Variants in PLEKHG1 observed in about 807,000 individuals in gnomAD.
PLEKHG1 encodes pleckstrin homology domain-containing family G member 1.
Under a neutral mutation model 100.8 loss-of-function variants are expected in PLEKHG1, and 44 were observed. That is an observed-to-expected ratio of 0.44 (90% confidence interval 0.34 to 0.56). PLEKHG1 has a LOEUF of 0.56. Among genes scored for constraint, PLEKHG1 ranks in the 20% least tolerant of loss-of-function variants. The pLI, the probability that PLEKHG1 is intolerant of heterozygous loss-of-function variation, is 0.01. For synonymous variants in PLEKHG1, 640 were observed against 662.5 expected, an observed-to-expected ratio of 0.97 and a Z score of 0.52; for missense variants, 1,545 against 1,720.9, an observed-to-expected ratio of 0.90 and a Z score of 1.81.
intron 3 of PLEKHG1, among the ~76,000 whole-genome samples, chr6:150,679,054 A>C (rs1309688527): frequency 3.9e-5 from 6 of 152,224 alleles, no homozygotes; most frequent in Non-Finnish European, 2.9e-5. Flanking sequence ...TACAAAATCA[A>C]AATTTTAAAC....
intron 1 of PLEKHG1, among the ~76,000 whole-genome samples, chr6:150,601,035 G>A (rs1776337528): frequency 6.6e-6 from 1 of 152,194 alleles, no homozygotes; most frequent in East Asian, 1.9e-4. Flanking sequence ...CTGAGAGTTG[G>A]TTTAGGAGTT....
At position 150,677,592 on chromosome 6, in the gene PLEKHG1, A is replaced by G. The variant is rs535224624; in HGVS notation, c.-99+26806A>G. 3.3e-5 allele frequency among the ~76,000 whole-genome samples: 5 copies of G among 152,288 alleles called. No individual in the cohort carries two copies. In the South Asian group the frequency reaches 8.3e-4, roughly 25 times the overall value. On this transcript the variant is annotated intron_variant, in intron 3 of 3. Transcript: ENST00000367326. ...GGGCCCACTTATGTTCACACACCTGATACATACCCCTCATGTAGAATGCTG... is the reference window on the plus strand; with the variant it reads ...GGGCCCACTTATGTTCACACACCTGGTACATACCCCTCATGTAGAATGCTG...
intron 3 of PLEKHG1, among the ~76,000 whole-genome samples, chr6:150,700,925 T>TG (rs1431647726): frequency 6.7e-6 from 1 of 149,950 alleles, no homozygotes; most frequent in South Asian, 2.1e-4. Flanking sequence ...ACTTTGAGGA[T>TG]GGGGGTTATA....
At chr6:150,803,783 T>A (rs1042918129) in intron 6 of PLEKHG1, among the ~76,000 whole-genome samples, 1 of 152,112 alleles carries the variant, frequency 6.6e-6, no homozygotes, top group Non-Finnish European at 1.5e-5. Context: ...TTCGCTATAT[T>A]TTTGAGTCTG....
At chr6:150,608,481 G>A (rs1289360048) in intron 1 of PLEKHG1, among the ~76,000 whole-genome samples, 1 of 152,202 alleles carries the variant, frequency 6.6e-6, no homozygotes, top group South Asian at 2.1e-4. Flanking sequence ...ATACATTTCT[G>A]TACTGGCTAA....
chr6:150,722,353 T>C (rs1319196499), intron 1 of PLEKHG1, among the ~76,000 whole-genome samples: 1 of 115,432 alleles, frequency 8.7e-6, no homozygotes, highest in African/African-American at 3.1e-5. Flanking sequence ...TCTTTTCTTT[T>C]TTTTTTTTTT....
intron 14 of PLEKHG1, among the ~76,000 whole-genome samples, chr6:150,829,140 T>A (rs962109918): frequency 2.0e-4 from 31 of 152,202 alleles, no homozygotes; most frequent in African/African-American, 6.8e-4. Context: ...AATAGGTTAC[T>A]ATAGTGTTTT....
intron 12 of PLEKHG1, among the ~76,000 whole-genome samples, chr6:150,820,099 C>G (rs915914214): frequency 1.6e-4 from 24 of 152,042 alleles, no homozygotes; most frequent in African/African-American, 5.3e-4. Flanking sequence ...ATCCTAGCTA[C>G]TTGGGAGGCT....
chr6:150,843,140 A>T (rs922550530), exon 16 of PLEKHG1: 1 of 152,196 alleles, frequency 6.6e-6, no homozygotes, highest in African/African-American at 2.4e-5. Context: ...AGTTCTATGT[A>T]GTTCATATTA....
chr6:150,642,149 T>C (rs1363095330), intron 2 of PLEKHG1, among the ~76,000 whole-genome samples: 1 of 152,214 alleles, frequency 6.6e-6, no homozygotes, highest in Non-Finnish European at 1.5e-5. Flanking sequence ...TTATTAAATC[T>C]ATTTGACTTA....
intron 2 of PLEKHG1, among the ~76,000 whole-genome samples, chr6:150,759,625 C>A (rs930588359): frequency 2.0e-5 from 3 of 151,986 alleles, no homozygotes; most frequent in African/African-American, 7.3e-5. Context: ...GAGTGGGACC[C>A]GTCTCCTAGG....
rs556718791 is a variant in PLEKHG1, at chr6:150,676,378, C to T, written c.-99+25592C>T. On this transcript the variant is annotated intron_variant, in intron 3 of 3. Transcript: ENST00000367326. ...ACTCAAATACATTTTAAAATGGAAACATTTTACACCTATCAAATAAACGGA... is the reference window on the plus strand; with the variant it reads ...ACTCAAATACATTTTAAAATGGAAATATTTTACACCTATCAAATAAACGGA... Among the ~76,000 whole-genome samples, 14 of 152,264 alleles carry T rather than the reference C, an allele frequency of 9.2e-5. No individual in the cohort carries two copies. The East Asian group carries it at 2.3e-3, about 25-fold the overall frequency.
chr6:150,797,849 AAAAAAAAAAAAAAAAAAAAAAG>A (rs1786443056), intron 5 of PLEKHG1, among the ~76,000 whole-genome samples: 1 of 142,774 alleles, frequency 7.0e-6, no homozygotes, highest in South Asian at 2.3e-4. Context: ...AAAAAAAAAA[AAAAAAAAAAAAAAAAAAAAAAG>A]ACCCAAGAAG....
intron 3 of PLEKHG1, among the ~76,000 whole-genome samples, chr6:150,773,898 A>T (rs562005236): frequency 6.6e-6 from 1 of 152,182 alleles, no homozygotes; most frequent in Admixed American, 6.5e-5. Context: ...TCATACATGT[A>T]ACTTTTATGT....
Position 150,736,507 on chromosome 6 carries a change from G to A in PLEKHG1, c.411+2415G>A, listed in dbSNP as rs749746260. The stretch of plus-strand genomic sequence containing the variant: ...GATTAGGCTGAATGCGGTGGCTTAT[G>A]CCTGTAATCCCAGCACTTTGGGAGG... On this transcript the variant is annotated intron_variant, in intron 2 of 15. Transcript: ENST00000358517. Among the ~76,000 whole-genome samples the A allele has an allele frequency of 5.3e-5, 8 of 152,188 alleles. No individual in the cohort carries two copies. In the South Asian group the frequency reaches 1.7e-3, roughly 31 times the overall value.
chr6:150,717,567 T>A (rs1781491470), upstream of PLEKHG1, among the ~76,000 whole-genome samples: 1 of 152,136 alleles, frequency 6.6e-6, no homozygotes, highest in South Asian at 2.1e-4. Context: ...GCTGGCTGGT[T>A]TGTGTTCTGG....
chr6:150,792,306 G>C (rs1271579938), intron 4 of PLEKHG1, among the ~76,000 whole-genome samples: 13 of 149,970 alleles, frequency 8.7e-5, no homozygotes, highest in Admixed American at 6.7e-4. Flanking sequence ...TCATTGAGCT[G>C]AGATTGCACC....
chr6:150,721,231 A>G, intron 1 of PLEKHG1: 2 of 941,512 alleles, frequency 2.1e-6, no homozygotes, highest in Non-Finnish European at 2.5e-6. Context: ...CCCCAAAGAA[A>G]GGATGCAGGA....
intron 11 of PLEKHG1, among the ~76,000 whole-genome samples, chr6:150,818,649 A>G (rs1259322207): frequency 6.6e-6 from 1 of 152,224 alleles, no homozygotes; most frequent in African/African-American, 2.4e-5. Flanking sequence ...TAAAATCACA[A>G]CCACCCCACA....
Sources: gnomAD v4.1 joint callset for allele counts (sites outside exome capture counted in the v4.1 genomes callset) on GRCh38, gnomAD v4.1.1 for gene constraint, MANE v1.5 for transcripts, NCBI Gene and HGNC (gene_info 2026-07-23, HGNC 2026-07-21) for gene names.